The following TARS3 variants were observed in gnomAD, a reference collection of about 807,000 sequenced individuals.
The protein encoded by TARS3 is threonyl-tRNA synthetase 3, also known as threonine--tRNA ligase 2, cytoplasmic.
In TARS3, 94 loss-of-function variants were observed where a neutral mutation model predicts 103.5. The ratio of observed to expected loss-of-function variants is 0.91; its 90% CI spans 0.77 to 1.08. TARS3 has a LOEUF of 1.08. Ranked by LOEUF, TARS3 falls within the 50% of genes least tolerant of loss-of-function variation. The pLI, the probability that TARS3 is intolerant of heterozygous loss-of-function variation, is 0.00. For missense variants in TARS3, 952 were observed against 995.2 expected (o/e 0.96, Z 0.58); for synonymous variants, 416 against 355.4 (o/e 1.17, Z -1.92).
Position 101,677,085 on chromosome 15 carries a change from T to C in TARS3, c.1651-1348A>G, listed in dbSNP as rs557876457. ...TTTGGTTTTCTATTCCTGTGTTAGT[T>C]TGCTGAGGATAATGGCTTGTGATGG... On this transcript the variant is annotated intron_variant, in intron 12 of 18. Transcript: ENST00000335968. Among the ~76,000 whole-genome samples the C allele has an allele frequency of 2.0e-5, 3 of 152,346 alleles. No individual in the cohort carries two copies. The East Asian group carries it at 5.8e-4, about 29-fold the overall frequency.
chr15:101,687,837 C>T (rs772583406), intron 10 of TARS3, among the ~76,000 whole-genome samples: 3 of 152,010 alleles, frequency 2.0e-5, no homozygotes, highest in Non-Finnish European at 4.4e-5. Context: ...TAAAAGGATT[C>T]GCAGAGAGCT....
chr15:101,676,116 A>G (rs1360198414), intron 12 of TARS3, among the ~76,000 whole-genome samples: 1 of 152,212 alleles, frequency 6.6e-6, no homozygotes, highest in African/African-American at 2.4e-5. Flanking sequence ...TGGACAGAGG[A>G]GCAGACTAAG....
chr15:101,657,990 C>G, intron 16 of TARS3, 133 bp from the exon 17 acceptor site: 4 of 543,238 alleles, frequency 7.4e-6, no homozygotes, highest in Non-Finnish European at 9.3e-6. Context: ...TGGAAGAAAA[C>G]TAAATTATAT....
chr15:101,675,884 G>A (rs1898001240), intron 12 of TARS3, 147 bp from the exon 13 acceptor site: 3 of 862,436 alleles, frequency 3.5e-6, no homozygotes, highest in Admixed American at 2.7e-5. Context: ...ATCCAATCCT[G>A]AGCTGAACCT....
chr15:101,714,201 C>T (rs979036238), intron 4 of TARS3, among the ~76,000 whole-genome samples: 1 of 152,098 alleles, frequency 6.6e-6, no homozygotes, highest in Non-Finnish European at 1.5e-5. Flanking sequence ...TTCTCCTATA[C>T]ATATTAAATT....
chr15:101,705,535 G>A (rs1899511814), intron 7 of TARS3, 148 bp downstream of exon 7: 1 of 675,672 alleles, frequency 1.5e-6, no homozygotes. Context: ...TTTCTCTTTA[G>A]TGAAAACATT....
intron 13 of TARS3, among the ~76,000 whole-genome samples, chr15:101,672,612 G>A (rs1897855261): frequency 1.7e-5 from 2 of 118,962 alleles, no homozygotes; most frequent in Non-Finnish European, 4.0e-5. Flanking sequence ...TCCTGGGAAA[G>A]CTGACTCCTG....
At chr15:101,655,682 T>A (rs56038341) in intron 18 of TARS3, among the ~76,000 whole-genome samples, 1 of 139,268 alleles carries the variant, frequency 7.2e-6, no homozygotes, top group African/African-American at 2.8e-5. Flanking sequence ...TCACAGTGAC[T>A]CCACCTGGCA....
intron 10 of TARS3, among the ~76,000 whole-genome samples, chr15:101,690,798 CCTTT>C (rs1325316144): frequency 1.3e-5 from 2 of 152,046 alleles, no homozygotes; most frequent in Non-Finnish European, 2.9e-5. Flanking sequence ...ATTTTAGATT[CCTTT>C]CTAAGAATAT....
Position 101,684,241 on chromosome 15 carries a change from G to GA in TARS3, c.1488-5dup. The GA allele has an allele frequency of 2.5e-6, 4 of 1,612,186 alleles. No homozygotes were observed. The highest frequency in any genetic ancestry group is 3.4e-6 in the Non-Finnish European group (4 of 1,178,958). ...TGGACGATGGGCAAACATTAGACTA[G>GA]AAAAGATGTGGTAACACACAGCTTT... On this transcript the variant is annotated splice_polypyrimidine_tract_variant and splice_region_variant and intron_variant, in intron 11 of 18. Transcript: ENST00000335968.
rs148993763 is a variant in TARS3, at chr15:101,705,731, C to T, written c.947G>A (p.Cys316Tyr). 36 of 1,605,882 alleles carry T rather than the reference C, an allele frequency of 2.2e-5. No homozygotes were observed. In the African/African-American group the frequency reaches 4.3e-4, roughly 19 times the overall value. ...GTTAACTTTCTCATTCAGAATGCGGCATTTAAATTTATTGTACTACGAAGA... is the reference window on the plus strand; with the variant it reads ...GTTAACTTTCTCATTCAGAATGCGGTATTTAAATTTATTGTACTACGAAGA... Reference protein sequence around the residue: ...LEMFKYNKFKCRILNEKVNTA... With the variant: ...LEMFKYNKFKYRILNEKVNTA... The change falls in exon 7 of 19, where the codon TGC becomes TAC. Residue 316 changes from cysteine to tyrosine, a missense_variant. Cys to Tyr is a radical substitution (Grantham distance 194). This residue lies in a region of TARS3 where 540 missense variants were observed against 631.0 expected (regional missense o/e 0.86). Transcript: ENST00000335968.
chr15:101,703,344 C>T (rs185333685), intron 8 of TARS3, among the ~76,000 whole-genome samples: 163 of 152,304 alleles, frequency 1.1e-3, no homozygotes, highest in African/African-American at 3.7e-3. Context: ...AATCCCAGCA[C>T]TTCGGGAGGC....
intron 12 of TARS3, among the ~76,000 whole-genome samples, chr15:101,681,716 A>G (rs1038679993): frequency 8.5e-5 from 13 of 152,190 alleles, no homozygotes; most frequent in Non-Finnish European, 2.9e-5. Context: ...TCTCCTTAAA[A>G]GGGCACTAAT....
chr15:101,719,312 A>G, intron 3 of TARS3, among the ~76,000 whole-genome samples: 1 of 152,226 alleles, frequency 6.6e-6, no homozygotes, highest in East Asian at 1.9e-4. Flanking sequence ...TGTTGCTAGA[A>G]TACAAGTGGT....
chr15:101,697,034 C>G (rs1330412281), intron 10 of TARS3, among the ~76,000 whole-genome samples: 1 of 152,154 alleles, frequency 6.6e-6, no homozygotes, highest in African/African-American at 2.4e-5. Context: ...ATAAATGTCC[C>G]CCCTTTGTGA....
chr15:101,670,906 G>A (rs1195742268), intron 15 of TARS3, among the ~76,000 whole-genome samples: 4 of 152,126 alleles, frequency 2.6e-5, no homozygotes, highest in Non-Finnish European at 5.9e-5. Flanking sequence ...GATACTGCAT[G>A]GCTCCGTTTA....
At chr15:101,711,805 T>C in intron 5 of TARS3, 75 bp downstream of exon 5, 1 of 1,535,194 alleles carries the variant, frequency 6.5e-7, no homozygotes, top group Non-Finnish European at 8.8e-7. Context: ...ATACAGTTAC[T>C]AGGCTAGTAT....
At chr15:101,700,644 T>G (rs979216485) in intron 10 of TARS3, among the ~76,000 whole-genome samples, 4 of 94,418 alleles carry the variant, frequency 4.2e-5, no homozygotes, top group African/African-American at 1.4e-4. Flanking sequence ...AGTACCTCAC[T>G]TTTTTTTTTT....
chr15:101,671,924 G>T (rs1234246631), intron 13 of TARS3, among the ~76,000 whole-genome samples, 176 bp from the exon 14 acceptor site: 2 of 152,052 alleles, frequency 1.3e-5, no homozygotes, highest in Non-Finnish European at 2.9e-5. Flanking sequence ...GATGATTAAG[G>T]TGGCACCTGC....
Sources: allele counts gnomAD v4.1 joint callset (sites outside exome capture counted in the v4.1 genomes callset), GRCh38; gene constraint gnomAD v4.1.1; regional missense constraint gnomAD v4.1.1; transcripts MANE v1.5; gene names NCBI Gene and HGNC (gene_info 2026-07-23, HGNC 2026-07-21).